The following ANK1 variants were observed in gnomAD, a reference collection of about 807,000 sequenced individuals.
ANK1 encodes ankyrin-1.
Under a neutral mutation model 210.4 loss-of-function variants are expected in ANK1, and 51 were observed. The observed-to-expected ratio is 0.24, with a 90% CI of 0.19 to 0.31. The LOEUF is 0.31. Ranked by LOEUF, ANK1 falls within the 10% of genes least tolerant of loss-of-function variation. The probability of loss-of-function intolerance (pLI) is 1.00; values close to 1 mark genes in which losing one functional copy is unlikely to be tolerated. For missense variants in ANK1, 2,051 were observed against 2,504.4 expected (o/e 0.82, Z 3.86); for synonymous variants, 967 against 1,025.9 (o/e 0.94, Z 1.10).
At chr8:41,848,120 G>A (rs751955589) in intron 1 of ANK1, among the ~76,000 whole-genome samples, 12 of 152,064 alleles carry the variant, frequency 7.9e-5, no homozygotes, top group South Asian at 4.2e-4. Flanking sequence ...GGAAGGTGGA[G>A]GTTGCAGTGA....
At chr8:41,686,568 G>A (rs574804890) in intron 35 of ANK1, among the ~76,000 whole-genome samples, 5 of 152,252 alleles carry the variant, frequency 3.3e-5, no homozygotes, top group African/African-American at 7.2e-5. Flanking sequence ...TCTTCCTTTC[G>A]TAACTTCCAA....
At chr8:41,771,003 C>G (rs1842860282) in intron 1 of ANK1, among the ~76,000 whole-genome samples, 1 of 152,236 alleles carries the variant, frequency 6.6e-6, no homozygotes, top group East Asian at 1.9e-4. Flanking sequence ...TTGCTTTCCC[C>G]ACCTACTCCT....
At chr8:41,677,751 G>A (rs926884096) in intron 37 of ANK1, among the ~76,000 whole-genome samples, 1 of 151,520 alleles carries the variant, frequency 6.6e-6, no homozygotes, top group South Asian at 2.1e-4. Flanking sequence ...CACCATACAC[G>A]GCTAATTTTT....
At position 41,807,026 on chromosome 8, in the gene ANK1, A is replaced by C. The variant is rs145293180; in HGVS notation, c.127-48889T>G. On this transcript the variant is annotated intron_variant, in intron 1 of 42. Transcript: ENST00000265709. Reference sequence around the variant, plus strand: ...AATGCTAATAATTAACATTTATTAAAATTTATTAAGCACTTACTATGTTCT... The same window carrying C: ...AATGCTAATAATTAACATTTATTAACATTTATTAAGCACTTACTATGTTCT... Among the ~76,000 whole-genome samples the C allele has an allele frequency of 2.6e-3, 401 of 152,350 alleles. 2 individuals carry two copies. The highest frequency in any genetic ancestry group is 9.2e-3 in the African/African-American group (381 of 41,584).
chr8:41,664,980 A>G, intron 39 of ANK1: 1 of 1,613,912 alleles, frequency 6.2e-7, no homozygotes, highest in Non-Finnish European at 8.5e-7. Flanking sequence ...GAAGAAGCTC[A>G]GCAGCACCAG....
Position 41,696,587 on chromosome 8 carries a change from C to A in ANK1, c.2736G>T (p.Gly912=), listed in dbSNP as rs767237260. 6 of 1,613,768 alleles carry A rather than the reference C, an allele frequency of 3.7e-6. No homozygotes were observed. In the African/African-American group the frequency reaches 8.0e-5, roughly 22 times the overall value. The change falls in exon 26 of 43, where the codon GGG becomes GGT. Residue 912 remains glycine (G), a splice_region_variant and synonymous_variant. Coordinates refer to ENST00000289734, the MANE Select transcript of ANK1 (RefSeq NM_000037.4). The part of the protein sequence containing the change: ...ISPVASPVHT[G]FLVSFMVDAR... ...CGTCAACCATGAAGCTCACCAGAAA[C>A]CTAGGAGTGGGGCAGATGCACGTTG...
At chr8:41,798,919 C>T (rs911060507), upstream of ANK1, among the ~76,000 whole-genome samples, 2 of 152,186 alleles carry the variant, frequency 1.3e-5, no homozygotes, top group Non-Finnish European at 2.9e-5. Context: ...CCAAACTGGC[C>T]TTGCCATGAG....
chr8:41,788,379 C>T (rs980465771), intron 1 of ANK1, among the ~76,000 whole-genome samples: 3 of 152,156 alleles, frequency 2.0e-5, no homozygotes, highest in African/African-American at 4.8e-5. Context: ...GACGTGAACA[C>T]CAGACACCTG....
At chr8:41,765,192 TTTTC>T (rs1412147543) in intron 1 of ANK1, among the ~76,000 whole-genome samples, 4 of 145,712 alleles carry the variant, frequency 2.7e-5, no homozygotes, top group African/African-American at 1.0e-4. Context: ...CTTTCTTTCT[TTTTC>T]TTTCTCTTTT....
intron 1 of ANK1, among the ~76,000 whole-genome samples, chr8:41,772,035 G>A (rs938415006): frequency 6.6e-6 from 1 of 152,190 alleles, no homozygotes; most frequent in Non-Finnish European, 1.5e-5. Context: ...GCCAGTCAGA[G>A]ACATGAAGTG....
upstream of ANK1, among the ~76,000 whole-genome samples, chr8:41,799,959 G>A (rs1167682315): frequency 6.6e-6 from 1 of 152,156 alleles, no homozygotes; most frequent in Admixed American, 6.5e-5. Context: ...GCATGTCATG[G>A]ACTGTGAATT....
chr8:41,764,243 G>A (rs765560883), intron 1 of ANK1, among the ~76,000 whole-genome samples: 2 of 152,096 alleles, frequency 1.3e-5, no homozygotes, highest in African/African-American at 2.4e-5. Flanking sequence ...TTCAGCTACA[G>A]AGCAAATGGC....
chr8:41,663,435 C>A (rs114098362), intron 40 of ANK1, among the ~76,000 whole-genome samples: 2 of 152,144 alleles, frequency 1.3e-5, no homozygotes, highest in Admixed American at 1.3e-4. Context: ...AGAAGCTATT[C>A]AGGTTGACTC....
chr8:41,799,968 T>C (rs1414021206), upstream of ANK1, among the ~76,000 whole-genome samples: 1 of 152,168 alleles, frequency 6.6e-6, no homozygotes, highest in Non-Finnish European at 1.5e-5. Flanking sequence ...GGACTGTGAA[T>C]TGGAGTGACA....
At chr8:41,758,663 C>CA (rs1262911040) in intron 1 of ANK1, among the ~76,000 whole-genome samples, 5 of 151,568 alleles carry the variant, frequency 3.3e-5, no homozygotes, top group African/African-American at 1.2e-4. Context: ...TTTTTATAAG[C>CA]AAACGTTCTT....
chr8:41,727,983 G>A lies in ANK1; in HGVS notation c.252C>T (p.Ile84=), dbSNP rs763403444. Residue 84 remains isoleucine (I), a synonymous_variant, in exon 4 of 43, where the codon ATC becomes ATT. Transcript: ENST00000289734. ...CCTCATCCTGCCCGGCTAGAGCAGC[G>A]ATGTGCAGGGCCGTGTTCCCCTTCT... The part of the protein sequence containing the change: ...TTKKGNTALH[I]AALAGQDEVV... 8.1e-6 allele frequency: 13 copies of A among 1,613,996 alleles called. No homozygotes were observed. The East Asian group carries it at 8.9e-5, about 11-fold the overall frequency.
chr8:41,748,678 G>A (rs1291312543), intron 2 of ANK1, among the ~76,000 whole-genome samples: 1 of 152,190 alleles, frequency 6.6e-6, no homozygotes, highest in Non-Finnish European at 1.5e-5. Context: ...CATAAGGGCA[G>A]GTCCCAGGAC....
chr8:41,706,289 AG>A, intron 17 of ANK1, 48 bp from the exon 18 acceptor site: 1 of 1,548,194 alleles, frequency 6.5e-7, no homozygotes, highest in East Asian at 2.3e-5. Flanking sequence ...AAAGAATTCC[AG>A]GCCACAAGTA....
intron 3 of ANK1, among the ~76,000 whole-genome samples, chr8:41,733,261 A>G (rs1422774740): frequency 1.3e-5 from 2 of 152,206 alleles, no homozygotes; most frequent in African/African-American, 2.4e-5. Context: ...ATGAAACAGA[A>G]TGCTGTTCCA....
Sources: allele counts gnomAD v4.1 joint callset (sites outside exome capture counted in the v4.1 genomes callset), GRCh38; gene constraint gnomAD v4.1.1; transcripts MANE v1.5; gene names NCBI Gene and HGNC (gene_info 2026-07-23, HGNC 2026-07-21).